Variants in RALYL observed in about 807,000 individuals in gnomAD.
RALYL encodes RNA-binding Raly-like protein.
In RALYL, 29 loss-of-function variants were observed where a neutral mutation model predicts 35.1. The observed-to-expected ratio is 0.83, with a 90% CI of 0.61 to 1.13. The LOEUF is 1.13. Among genes scored for constraint, RALYL ranks in the 50% most tolerant of loss-of-function variants. The probability of loss-of-function intolerance (pLI) is 0.00; values close to 1 mark genes in which losing one functional copy is unlikely to be tolerated. For missense variants in RALYL, 359 were observed against 360.4 expected (o/e 1.00, Z 0.03); for synonymous variants, 120 against 127.6 (o/e 0.94, Z 0.40).
At chr8:84,253,223 T>C (rs1247874313) in intron 1 of RALYL, among the ~76,000 whole-genome samples, 1 of 135,510 alleles carries the variant, frequency 7.4e-6, no homozygotes, top group Admixed American at 7.8e-5. Context: ...AGAATCTCGC[T>C]CTGTTGCCCA....
intron 4 of RALYL, among the ~76,000 whole-genome samples, chr8:84,832,441 T>C (rs1031653377): frequency 2.6e-5 from 4 of 152,174 alleles, no homozygotes; most frequent in Non-Finnish European, 5.9e-5. Flanking sequence ...CATCTAAAGC[T>C]GTAGATTTTT....
intron 4 of RALYL, among the ~76,000 whole-genome samples, chr8:84,818,252 G>T (rs1827798454): frequency 6.6e-6 from 1 of 151,970 alleles, no homozygotes; most frequent in Admixed American, 6.6e-5. Flanking sequence ...CATGAAAGAG[G>T]GAAAGCAATA....
chr8:84,306,662 A>G (rs556196574), intron 1 of RALYL, among the ~76,000 whole-genome samples: 4 of 152,318 alleles, frequency 2.6e-5, no homozygotes, highest in African/African-American at 7.2e-5. Context: ...ACAGCTCTGC[A>G]GGAGCTGACA....
At chr8:84,207,859 C>G (rs1818441129) in intron 1 of RALYL, among the ~76,000 whole-genome samples, 1 of 151,022 alleles carries the variant, frequency 6.6e-6, no homozygotes, top group South Asian at 2.1e-4. Flanking sequence ...GCATTGTACA[C>G]TATACATGTA....
chr8:84,805,010 A>G (rs2134015942), intron 4 of RALYL, among the ~76,000 whole-genome samples: 1 of 152,208 alleles, frequency 6.6e-6, no homozygotes, highest in East Asian at 1.9e-4. Context: ...ATGAATGTAT[A>G]TGAAATCCTG....
chr8:84,379,799 G>T (rs1362531986), intron 1 of RALYL, among the ~76,000 whole-genome samples: 1 of 151,066 alleles, frequency 6.6e-6, no homozygotes, highest in African/African-American at 2.4e-5. Flanking sequence ...AGAAAAAATT[G>T]CTTTTATCCT....
chr8:84,838,572 T>C (rs1474596431), intron 4 of RALYL, among the ~76,000 whole-genome samples: 1 of 152,248 alleles, frequency 6.6e-6, no homozygotes, highest in African/African-American at 2.4e-5. Context: ...CATTTCATTT[T>C]ATTTTTAACT....
At chr8:84,418,878 T>A (rs190580224) in intron 1 of RALYL, among the ~76,000 whole-genome samples, 9 of 152,028 alleles carry the variant, frequency 5.9e-5, no homozygotes, top group Non-Finnish European at 1.0e-4. Context: ...TTCTTTGGAT[T>A]TTTTTTTCCA....
intron 2 of RALYL, among the ~76,000 whole-genome samples, chr8:84,727,947 T>C (rs940073360): frequency 6.6e-6 from 1 of 152,082 alleles, no homozygotes. Context: ...TGTGCATGTG[T>C]CTTTATAGCA....
chr8:84,904,870 C>G (rs368557669), intron 8 of RALYL, among the ~76,000 whole-genome samples: 1 of 151,930 alleles, frequency 6.6e-6, no homozygotes, highest in South Asian at 2.1e-4. Flanking sequence ...GGTGCATATT[C>G]CACCCAATTT....
intron 1 of RALYL, among the ~76,000 whole-genome samples, chr8:84,440,810 A>G (rs1346410834): frequency 7.3e-6 from 1 of 136,960 alleles, no homozygotes; most frequent in Non-Finnish European, 1.6e-5. Flanking sequence ...GAACAAAGCT[A>G]CATTAAGCTA....
At chr8:84,245,101 G>T (rs1291428655) in intron 1 of RALYL, among the ~76,000 whole-genome samples, 19 of 152,140 alleles carry the variant, frequency 1.2e-4, no homozygotes. Flanking sequence ...ATCAATCTTT[G>T]CAATGGGCTG....
At chr8:84,733,035 G>A (rs2132890879) in intron 2 of RALYL, among the ~76,000 whole-genome samples, 1 of 152,038 alleles carries the variant, frequency 6.6e-6, no homozygotes, top group Non-Finnish European at 1.5e-5. Context: ...ATTTTACCTT[G>A]GTCCTCTTGT....
intron 2 of RALYL, among the ~76,000 whole-genome samples, chr8:84,612,014 G>A (rs868072517): frequency 1.8e-4 from 27 of 151,674 alleles, no homozygotes; most frequent in African/African-American, 5.6e-4. Context: ...GTTAATTTTT[G>A]TATTTGTATT....
intron 6 of RALYL, chr8:84,872,378 G>A (rs1351823530): frequency 2.6e-5 from 4 of 151,974 alleles, no homozygotes; most frequent in East Asian, 3.8e-4. Flanking sequence ...AAATTGAAAT[G>A]GTTTTCAGAA....
intron 1 of RALYL, among the ~76,000 whole-genome samples, chr8:84,356,682 G>C (rs537843942): frequency 6.6e-6 from 1 of 150,394 alleles, no homozygotes; most frequent in African/African-American, 2.5e-5. Context: ...ATCACAATTA[G>C]CTTAGAACAG....
chr8:84,853,864 G>T (rs1006480484), intron 5 of RALYL, among the ~76,000 whole-genome samples: 2 of 152,200 alleles, frequency 1.3e-5, no homozygotes, highest in East Asian at 3.9e-4. Flanking sequence ...TTTAGCAGAG[G>T]TGCAAACTTG....
At chr8:84,491,770 G>C (rs2055337214) in intron 1 of RALYL, among the ~76,000 whole-genome samples, 1 of 152,020 alleles carries the variant, frequency 6.6e-6, no homozygotes, top group South Asian at 2.1e-4. Flanking sequence ...ATCAGAATTA[G>C]TCTTAGATAT....
At chr8:84,550,914 C>T (rs1055353703) in intron 2 of RALYL, among the ~76,000 whole-genome samples, 11 of 151,678 alleles carry the variant, frequency 7.3e-5, no homozygotes, top group Non-Finnish European at 1.0e-4. Flanking sequence ...TATTTCATTG[C>T]GACAAAATCT....
Sources: allele counts gnomAD v4.1 joint callset (sites outside exome capture counted in the v4.1 genomes callset), GRCh38; gene constraint gnomAD v4.1.1; transcripts MANE v1.5; gene names NCBI Gene and HGNC (gene_info 2026-07-23, HGNC 2026-07-21).